Variants in KIAA1210 observed in about 807,000 individuals in gnomAD.
KIAA1210 encodes the protein acrosomal protein KIAA1210.
Under a neutral mutation model 78.9 loss-of-function variants are expected in KIAA1210, and 48 were observed. The ratio of observed to expected loss-of-function variants is 0.61; its 90% CI spans 0.48 to 0.77. KIAA1210 has a LOEUF of 0.77. Among genes scored for constraint, KIAA1210 ranks in the 30% least tolerant of loss-of-function variants. The pLI, the probability that KIAA1210 is intolerant of heterozygous loss-of-function variation, is 0.00. For synonymous variants in KIAA1210, 406 were observed against 404.5 expected, an observed-to-expected ratio of 1.00 and a Z score of -0.04; for missense variants, 1,108 against 1,100.0, an observed-to-expected ratio of 1.01 and a Z score of -0.10.
At chrX:119,101,182 A>G (rs1409787125) in intron 6 of KIAA1210, among the ~76,000 whole-genome samples, 4 of 112,261 alleles carry the variant, frequency 3.6e-5, no homozygotes, top group Non-Finnish European at 7.5e-5. Context: ...GAGTTTAGTC[A>G]ATAATGCACA....
At chrX:119,105,282 A>G in intron 5 of KIAA1210, 135 bp from the exon 6 acceptor site, 1 of 638,423 alleles carries the variant, frequency 1.6e-6, no homozygotes, top group Non-Finnish European at 2.3e-6. Context: ...AGTGAAAAAA[A>G]TAAGCCCAGG....
chrX:119,088,644 A>G lies in KIAA1210; in HGVS notation c.2058T>C (p.Thr686=). The part of the protein sequence containing the change: ...ESSSYVEKYN[T]SDDCSSSEED... ...CCTCTGAGCTGCTGCAATCATCAGAAGTGTTGTACTTTTCAACATAACTGC... is the reference window on the plus strand; with the variant it reads ...CCTCTGAGCTGCTGCAATCATCAGAGGTGTTGTACTTTTCAACATAACTGC... Residue 686 remains threonine, a synonymous_variant, in exon 9 of 12, where the codon ACT becomes ACC. Coordinates refer to ENST00000691062, the MANE Select transcript of KIAA1210 (RefSeq NM_001394962.1). 8.3e-7 allele frequency: 1 copy of G among 1,211,308 alleles called. No homozygotes were observed. Among genetic ancestry groups the G allele is most frequent in the Middle Eastern group, 2.3e-4 (1 of 4,310 alleles).
Position 119,081,489 on chromosome X carries a change from T to C in KIAA1210, c.4442A>G (p.Gln1481Arg). The C allele has an allele frequency of 8.3e-7, 1 of 1,205,184 alleles. No homozygotes were observed. The highest frequency in any genetic ancestry group is 1.1e-6 in the Non-Finnish European group (1 of 893,413). The change falls in exon 12 of 12, where the codon CAG (glutamine) becomes CGG (arginine). Residue 1481 changes from glutamine (Q) to arginine (R), a missense_variant. Transcript: ENST00000691062. ...CATGGCAGGAACTTGCAGTATCTTC[T>C]GAGCTTCAAATCCAACTGGAACCAC... ...KPTKSVGFEA[Q>R]KILQVPAMEK...
In KIAA1210 at chrX:119,085,503, C is replaced by T. The variant is rs376690224; in HGVS notation, c.4200G>A (p.Pro1400=). Residue 1400 remains proline, a synonymous_variant, in exon 10 of 12, where the codon CCG becomes CCA. Coordinates refer to ENST00000691062, the MANE Select transcript of KIAA1210 (RefSeq NM_001394962.1). ...GQQSDYAVSE[P]VWITMAKQKQ... The stretch of plus-strand genomic sequence containing the variant: ...TCTGCTTTGCCATAGTTATCCAAAC[C>T]GGCTCTGAGACAGCATAATCTGACT... 1.3e-4 allele frequency: 159 copies of T among 1,209,744 alleles called. No individual in the cohort carries two copies. The African/African-American group carries it at 2.4e-3, about 18-fold the overall frequency.
upstream of KIAA1210, among the ~76,000 whole-genome samples, chrX:119,131,179 G>C (rs138421931): frequency 8.9e-6 from 1 of 112,011 alleles, no homozygotes; most frequent in South Asian, 3.7e-4. Context: ...ATTTCACAGA[G>C]TCTGCGGTAA....
At position 119,144,046 on chromosome X, in the gene KIAA1210, G is replaced by A. The variant is rs769420818; in HGVS notation, c.410+3427C>T. Among the ~76,000 whole-genome samples the A allele has an allele frequency of 1.6e-4, 18 of 112,518 alleles. No homozygotes were observed. In the East Asian group the frequency reaches 3.1e-3, roughly 19 times the overall value. On this transcript the variant is annotated intron_variant, in intron 2 of 13. Transcript: ENST00000402510. ...GACACTCTGCCTAAGTGGCTGAACC[G>A]TTGGGAAGTATGGCCTTTGATGGCA...
chrX:119,120,000 GAAAGA>G (rs1334283050), intron 2 of KIAA1210, among the ~76,000 whole-genome samples: 14 of 61,725 alleles, frequency 2.3e-4, no homozygotes, highest in East Asian at 6.3e-4. Flanking sequence ...AAAAAAGAAA[GAAAGA>G]AAAGAAAAGA....
chrX:119,088,364 T>G lies in KIAA1210; in HGVS notation c.2338A>C (p.Asn780His). 1 of 1,211,052 alleles carries G rather than the reference T, an allele frequency of 8.3e-7. No individual in the cohort carries two copies. Among genetic ancestry groups the G allele is most frequent in the Non-Finnish European group, 1.1e-6 (1 of 895,173 alleles). ...PPRHPFQPWV[N>H]PKVEQEVSSS... Reference sequence around the variant, plus strand: ...GAAACTTCTTGCTCCACTTTAGGGTTCACCCATGGCTGGAAAGGGTGTCTT... The same window carrying G: ...GAAACTTCTTGCTCCACTTTAGGGTGCACCCATGGCTGGAAAGGGTGTCTT... The change falls in exon 9 of 12, where the codon AAC becomes CAC. Residue 780 changes from asparagine to histidine, a missense_variant. This residue lies in a region of KIAA1210 where 672 missense variants were observed against 607.1 expected (regional missense o/e 1.11). Transcript: ENST00000691062.
At position 119,088,724 on chromosome X, in the gene KIAA1210, A is replaced by G. The variant is rs1927257753; in HGVS notation, c.1978T>C (p.Cys660Arg). Residue 660 changes from cysteine to arginine, a missense_variant, in exon 9 of 12, where the codon TGC becomes CGC. Around this residue, in one of 5 missense-constraint regions of KIAA1210, gnomAD observed 672 missense variants for 607.1 expected, o/e 1.11. Transcript: ENST00000691062. ...GGCTCCTCTAAAGCCTGGGAGAGGCATCTGAGGTCCAGCTCCTCCTCAGAG... is the reference window on the plus strand; with the variant it reads ...GGCTCCTCTAAAGCCTGGGAGAGGCGTCTGAGGTCCAGCTCCTCCTCAGAG... Reference protein sequence around the residue: ...SSSEEELDLRCLSQALEEPED... With the variant: ...SSSEEELDLRRLSQALEEPED... The G allele has an allele frequency of 9.9e-6, 12 of 1,210,979 alleles. No homozygotes were observed. The highest frequency in any genetic ancestry group is 1.3e-5 in the Non-Finnish European group (12 of 895,156).
intron 2 of KIAA1210, among the ~76,000 whole-genome samples, chrX:119,122,929 A>G (rs906169078): frequency 8.9e-6 from 1 of 112,482 alleles, no homozygotes; most frequent in African/African-American, 3.2e-5. Flanking sequence ...AAGAAAACTC[A>G]GCAAAAGAAT....
At chrX:119,150,758 G>T (rs1217179013), upstream of KIAA1210, among the ~76,000 whole-genome samples, 1 of 112,450 alleles carries the variant, frequency 8.9e-6, no homozygotes, top group Admixed American at 9.3e-5. Flanking sequence ...GATGTTGCAA[G>T]TTCGAGCCCA....
At chrX:119,147,405 C>T in intron 2 of KIAA1210, 1 of 1,170,336 alleles carries the variant, frequency 8.5e-7, no homozygotes, top group Non-Finnish European at 1.2e-6. Context: ...AGCAGGCTGA[C>T]ACATAATTTA....
intron 6 of KIAA1210, among the ~76,000 whole-genome samples, chrX:119,104,078 T>C (rs372329914): frequency 8.9e-6 from 1 of 112,287 alleles, no homozygotes; most frequent in African/African-American, 3.2e-5. Flanking sequence ...TTGTATACTT[T>C]AAAATGGTTA....
At chrX:119,147,247 G>A (rs781285496) in intron 2 of KIAA1210, among the ~76,000 whole-genome samples, 1 of 111,559 alleles carries the variant, frequency 9.0e-6, no homozygotes, top group South Asian at 3.9e-4. Context: ...CTGGATTCCA[G>A]GGGGCTGCTC....
At position 119,104,781 on chromosome X, in the gene KIAA1210, A is replaced by G. The variant is rs754804172; in HGVS notation, c.648+211T>C. On this transcript the variant is annotated intron_variant, in intron 6 of 11. Coordinates refer to ENST00000691062, the MANE Select transcript of KIAA1210 (RefSeq NM_001394962.1). ...TGCAAACTATTATTTTTTCGAAAAT[A>G]CTATCTTCCCTTGCTTATACATTAA... Among the ~76,000 whole-genome samples, 38 of 112,136 alleles carry G rather than the reference A, an allele frequency of 3.4e-4. 1 individual carries two copies. The South Asian group carries it at 7.5e-3, about 22-fold the overall frequency.
chrX:119,093,944 T>C (rs1311957691), intron 7 of KIAA1210, 169 bp from the exon 8 acceptor site: 1 of 972,883 alleles, frequency 1.0e-6, no homozygotes, highest in Non-Finnish European at 1.5e-6. Flanking sequence ...GATTTCTTAA[T>C]GGAATTGTTT....
intron 2 of KIAA1210, among the ~76,000 whole-genome samples, chrX:119,134,176 C>T (rs1016531863): frequency 4.5e-5 from 5 of 111,660 alleles, no homozygotes; most frequent in Admixed American, 9.5e-5. Context: ...TACTCTCTAC[C>T]GCCATGAGAT....
intron 2 of KIAA1210, among the ~76,000 whole-genome samples, chrX:119,144,906 G>A (rs924663623): frequency 8.9e-6 from 1 of 112,192 alleles, no homozygotes; most frequent in Non-Finnish European, 1.9e-5. Flanking sequence ...GTGGTAGACT[G>A]TGGACATGAA....
upstream of KIAA1210, among the ~76,000 whole-genome samples, chrX:119,132,438 T>C (rs1252319775): frequency 9.0e-6 from 1 of 111,269 alleles, no homozygotes; most frequent in Non-Finnish European, 1.9e-5. Context: ...ACGAGGGGAT[T>C]ATATGCTCCC....
Sources: gnomAD v4.1 joint callset for allele counts (sites outside exome capture counted in the v4.1 genomes callset) on GRCh38, gnomAD v4.1.1 for gene constraint, gnomAD v4.1.1 regional missense constraint, MANE v1.5 for transcripts, NCBI Gene and HGNC (gene_info 2026-07-23, HGNC 2026-07-21) for gene names.